The following PRTFDC1 variants were observed in gnomAD, a reference collection of about 807,000 sequenced individuals.
The protein encoded by PRTFDC1 is phosphoribosyl transferase domain containing 1.
A neutral mutation model predicts 34.6 loss-of-function variants in PRTFDC1; 38 were observed. That is an observed-to-expected ratio of 1.10 (90% CI 0.85 to 1.44). The LOEUF is 1.44. Ranked by LOEUF, PRTFDC1 falls within the 40% of genes most tolerant of loss-of-function variation. The pLI is 0.00. For missense variants in PRTFDC1, 270 were observed against 283.0 expected (o/e 0.95, Z 0.33); for synonymous variants, 93 against 98.1 (o/e 0.95, Z 0.31).
At chr10:24,918,721 G>A (rs1442491338) in intron 3 of PRTFDC1, among the ~76,000 whole-genome samples, 1 of 152,074 alleles carries the variant, frequency 6.6e-6, no homozygotes, top group Non-Finnish European at 1.5e-5. Flanking sequence ...GGTCCAATCT[G>A]TCCTTTTTCA....
intron 1 of PRTFDC1, among the ~76,000 whole-genome samples, chr10:24,946,950 A>G (rs1849259610): frequency 6.6e-6 from 1 of 152,078 alleles, no homozygotes; most frequent in East Asian, 1.9e-4. Flanking sequence ...AGCCTGGGTA[A>G]TATAATGAGA....
At chr10:24,873,532 CT>C (rs199769818) in intron 3 of PRTFDC1, among the ~76,000 whole-genome samples, 242 of 152,328 alleles carry the variant, frequency 1.6e-3, no homozygotes, top group African/African-American at 5.2e-3. Context: ...ACAGCTGTCA[CT>C]TTTGCTAGCT....
At chr10:24,941,213 CTGACTAATGTTTTT>C (rs1293801897) in intron 2 of PRTFDC1, among the ~76,000 whole-genome samples, 1 of 151,724 alleles carries the variant, frequency 6.6e-6, no homozygotes, top group African/African-American at 2.4e-5. Context: ...GCTACTATGC[CTGACTAATGTTTTT>C]TATTTTTTTG....
intron 4 of PRTFDC1, among the ~76,000 whole-genome samples, chr10:24,861,671 T>C (rs1847682505): frequency 6.6e-6 from 1 of 152,050 alleles, no homozygotes; most frequent in Admixed American, 6.6e-5. Context: ...CTTGTTACTT[T>C]TTTATTTCTA....
intron 4 of PRTFDC1, among the ~76,000 whole-genome samples, chr10:24,871,536 G>A (rs1847867173): frequency 6.6e-6 from 1 of 151,966 alleles, no homozygotes; most frequent in African/African-American, 2.4e-5. Context: ...AAGGCAAAGT[G>A]CTGAAAACGC....
At chr10:24,949,711 T>G (rs986493295) in intron 1 of PRTFDC1, among the ~76,000 whole-genome samples, 12 of 137,398 alleles carry the variant, frequency 8.7e-5, no homozygotes, top group African/African-American at 3.0e-4. Context: ...TACTCATTTT[T>G]TTTGTTTATT....
rs978405337 is a variant in PRTFDC1 at position 24,848,822 on chromosome 10, A to T, written c.*1022T>A. 1 of 152,216 alleles carries T rather than the reference A, an allele frequency of 6.6e-6. No homozygotes were observed. Among genetic ancestry groups the T allele is most frequent in the African/African-American group, 2.4e-5 (1 of 41,450 alleles). The allele number at this position is 152,216 out of a possible 1,614,324, so 9.4% of individuals were successfully genotyped here. ...CCCATAAATTAGGAAATGTCTTATA[A>T]AACGGAGAAATTGGAAAAAAATGTT... On this transcript the variant is annotated 3_prime_UTR_variant, in exon 9 of 9. Transcript: ENST00000320152.
chr10:24,936,672 G>A (rs1849056174), intron 3 of PRTFDC1, among the ~76,000 whole-genome samples: 1 of 152,228 alleles, frequency 6.6e-6, no homozygotes, highest in East Asian at 1.9e-4. Flanking sequence ...CTGGTGGAGG[G>A]GCCTTCTGCT....
chr10:24,883,705 TGGAG>T (rs1565265449), intron 3 of PRTFDC1, among the ~76,000 whole-genome samples: 1 of 152,106 alleles, frequency 6.6e-6, no homozygotes, highest in Non-Finnish European at 1.5e-5. Context: ...GACAAACACA[TGGAG>T]CCTCTTGACA....
At chr10:24,856,865 G>A (rs1565256210) in intron 6 of PRTFDC1, 48 bp downstream of exon 6, 1 of 1,487,998 alleles carries the variant, frequency 6.7e-7, no homozygotes, top group African/African-American at 1.4e-5. Flanking sequence ...TCCCTTTTGG[G>A]CTTGCTTGGA....
chr10:24,855,353 T>C lies in PRTFDC1; in HGVS notation c.518A>G (p.Lys173Arg). The change falls in exon 7 of 9, where the codon AAG becomes AGG. Residue 173 changes from lysine (K) to arginine (R), a missense_variant. Lys to Arg is a conservative substitution (Grantham distance 26). Transcript: ENST00000320152. ...NMIKVASLLV[K>R]RTSRSDGFRP... ...AAAGCCGTCACTTCTGGATGTTCTC[T>C]TCACCAACAAACTACCATTAAAAAA... The C allele has an allele frequency of 2.5e-6, 4 of 1,614,108 alleles. No individual in the cohort carries two copies. Among genetic ancestry groups the C allele is most frequent in the Non-Finnish European group, 3.4e-6 (4 of 1,179,998 alleles).
chr10:24,942,503 A>T, intron 1 of PRTFDC1, 67 bp from the exon 2 acceptor site: 1 of 1,281,074 alleles, frequency 7.8e-7, no homozygotes, highest in African/African-American at 1.5e-5. Context: ...ATAACAAAAG[A>T]GTATCACTTG....
intron 3 of PRTFDC1, 85 bp downstream of exon 3, chr10:24,937,099 T>G (rs1193766151): frequency 7.8e-7 from 1 of 1,277,652 alleles, no homozygotes; most frequent in Non-Finnish European, 1.1e-6. Flanking sequence ...AAAATTGCAC[T>G]CTTCATTTTC....
chr10:24,888,074 T>A (rs957373072), intron 3 of PRTFDC1, among the ~76,000 whole-genome samples: 10 of 152,230 alleles, frequency 6.6e-5, no homozygotes, highest in Non-Finnish European at 1.2e-4. Context: ...GGTCTTGCTG[T>A]GTCATCCAGG....
intron 4 of PRTFDC1, among the ~76,000 whole-genome samples, chr10:24,868,506 G>A (rs1847823876): frequency 6.6e-6 from 1 of 152,194 alleles, no homozygotes; most frequent in Non-Finnish European, 1.5e-5. Flanking sequence ...CACTACAGGA[G>A]AAAGGAGAAG....
intron 3 of PRTFDC1, among the ~76,000 whole-genome samples, chr10:24,932,847 T>G (rs867053440): frequency 1.3e-5 from 2 of 152,078 alleles, no homozygotes; most frequent in Non-Finnish European, 2.9e-5. Context: ...AGAACAAAGT[T>G]GGAGGACACA....
In PRTFDC1 at chr10:24,852,588, G is replaced by T. The variant is rs770323302; in HGVS notation, c.554-1124C>A. 3.9e-5 allele frequency among the ~76,000 whole-genome samples: 6 copies of T among 152,146 alleles called. No individual in the cohort carries two copies. The East Asian group carries it at 9.6e-4, about 24-fold the overall frequency. On this transcript the variant is annotated intron_variant, in intron 7 of 8. Transcript: ENST00000320152. ...TGGGACTACAGGCATGCAAAACTAC[G>T]CCTGGCTAATACTTATTGGAGAGAA... is the stretch of plus-strand genomic sequence containing the variant.
At chr10:24,921,151 G>A (rs1848781233) in intron 3 of PRTFDC1, among the ~76,000 whole-genome samples, 1 of 152,040 alleles carries the variant, frequency 6.6e-6, no homozygotes, top group Non-Finnish European at 1.5e-5. Flanking sequence ...TGAGTGATCA[G>A]GGCTCAGATA....
intron 7 of PRTFDC1, 56 bp from the exon 8 acceptor site, chr10:24,851,520 T>A: frequency 6.3e-7 from 1 of 1,578,898 alleles, no homozygotes; most frequent in Non-Finnish European, 8.5e-7. Context: ...ATTATATAAA[T>A]GCAAGTCACC....
Sources: allele counts gnomAD v4.1 joint callset (sites outside exome capture counted in the v4.1 genomes callset), GRCh38; gene constraint gnomAD v4.1.1; transcripts MANE v1.5; gene names NCBI Gene and HGNC (gene_info 2026-07-23, HGNC 2026-07-21).